The following ATP9B variants were observed in gnomAD, a reference collection of about 807,000 sequenced individuals.
The protein encoded by ATP9B is probable phospholipid-transporting ATPase IIB.
In ATP9B, 110 loss-of-function variants were observed where a neutral mutation model predicts 146.1. The ratio of observed to expected loss-of-function variants is 0.75; its 90% CI spans 0.65 to 0.88. The LOEUF (loss-of-function observed/expected upper bound fraction) is 0.88, where lower values mean the gene tolerates loss of function less well. Ranked by LOEUF, ATP9B falls within the 40% of genes least tolerant of loss-of-function variation. ATP9B has a pLI of 0.00. For missense variants in ATP9B, 1,499 were observed against 1,496.4 expected, an observed-to-expected ratio of 1.00 and a Z score of -0.03; for synonymous variants, 604 against 569.7, an observed-to-expected ratio of 1.06 and a Z score of -0.86.
intron 13 of ATP9B, among the ~76,000 whole-genome samples, chr18:79,282,809 A>G (rs1044638891): frequency 4.6e-5 from 7 of 152,178 alleles, no homozygotes; most frequent in Non-Finnish European, 2.9e-5. Flanking sequence ...GGGCTTTGGA[A>G]TCAAATCTGG....
chr18:79,270,081 C>A (rs1447537573), intron 12 of ATP9B, among the ~76,000 whole-genome samples: 1 of 152,214 alleles, frequency 6.6e-6, no homozygotes, highest in African/African-American at 2.4e-5. Context: ...CTTGTCTTTG[C>A]CATTCCTTTC....
chr18:79,356,391 C>A (rs552739328), intron 25 of ATP9B, among the ~76,000 whole-genome samples: 2 of 152,330 alleles, frequency 1.3e-5, no homozygotes, highest in African/African-American at 4.8e-5. Flanking sequence ...ACTCGGCACT[C>A]CTGTCCAAAA....
chr18:79,229,770 T>TA lies in ATP9B; in HGVS notation c.1107+15738dup, dbSNP rs1441719556. Among the ~76,000 whole-genome samples, 4 of 152,350 alleles carry TA rather than the reference T, an allele frequency of 2.6e-5. No individual in the cohort carries two copies. In the East Asian group the frequency reaches 5.8e-4, roughly 22 times the overall value. On this transcript the variant is annotated intron_variant, in intron 11 of 29. Transcript: ENST00000426216. ...CATTCTTAAACCTTAGCTTTCTGGA[T>TA]AAAAAATCATAACAATTTTAAAGAT... is the stretch of plus-strand genomic sequence containing the variant.
chr18:79,191,268 T>G (rs1261924888), intron 8 of ATP9B, among the ~76,000 whole-genome samples: 1 of 152,200 alleles, frequency 6.6e-6, no homozygotes, highest in Non-Finnish European at 1.5e-5. Flanking sequence ...ATTTTTTTTA[T>G]TTTTGGTTTT....
chr18:79,282,806 G>A (rs958270541), intron 13 of ATP9B, among the ~76,000 whole-genome samples: 13 of 152,070 alleles, frequency 8.5e-5, no homozygotes, highest in Non-Finnish European at 1.5e-4. Flanking sequence ...AAAGGGCTTT[G>A]GAATCAAATC....
At chr18:79,208,825 A>G (rs187250661) in intron 10 of ATP9B, among the ~76,000 whole-genome samples, 2 of 152,196 alleles carry the variant, frequency 1.3e-5, no homozygotes, top group African/African-American at 2.4e-5. Context: ...TTTTCCATGA[A>G]GAGACTTCAG....
chr18:79,194,401 A>G (rs1475274717), intron 9 of ATP9B: 1 of 152,214 alleles, frequency 6.6e-6, no homozygotes, highest in Non-Finnish European at 1.5e-5. Flanking sequence ...AATGTTCGCT[A>G]GACAATGTGT....
At chr18:79,288,536 A>T (rs971238122) in intron 13 of ATP9B, among the ~76,000 whole-genome samples, 2 of 151,956 alleles carry the variant, frequency 1.3e-5, no homozygotes, top group East Asian at 3.9e-4. Context: ...TTTCCTGAAT[A>T]CAGCACACTG....
At chr18:79,360,455 G>A (rs1052471770) in intron 26 of ATP9B, 4 of 150,652 alleles carry the variant, frequency 2.7e-5, no homozygotes, top group African/African-American at 4.8e-5. Flanking sequence ...TTCTTACCTA[G>A]CTAACCACAA....
At chr18:79,081,483 C>G (rs2073254396) in intron 1 of ATP9B, among the ~76,000 whole-genome samples, 1 of 151,368 alleles carries the variant, frequency 6.6e-6, no homozygotes, top group African/African-American at 2.4e-5. Flanking sequence ...TTTATTGTGT[C>G]TATTTGATTC....
chr18:79,208,537 C>T (rs1033127700), intron 10 of ATP9B, among the ~76,000 whole-genome samples: 1 of 152,098 alleles, frequency 6.6e-6, no homozygotes, highest in Admixed American at 6.5e-5. Context: ...AACTATACAA[C>T]GAACTCCAGG....
chr18:79,270,069 C>T (rs755978467), intron 12 of ATP9B, among the ~76,000 whole-genome samples: 9 of 151,952 alleles, frequency 5.9e-5, no homozygotes, highest in African/African-American at 1.2e-4. Flanking sequence ...GGGGACTTGC[C>T]GCTTGTCTTT....
At chr18:79,143,750 C>G in intron 5 of ATP9B, 52 bp from the exon 6 acceptor site, 3 of 1,150,998 alleles carry the variant, frequency 2.6e-6, no homozygotes, top group Non-Finnish European at 2.5e-6. Flanking sequence ...GAAAGTTGAA[C>G]TTGGGTGTGC....
At chr18:79,211,984 T>C (rs554919631) in intron 10 of ATP9B, among the ~76,000 whole-genome samples, 4 of 152,376 alleles carry the variant, frequency 2.6e-5, no homozygotes, top group Admixed American at 6.5e-5. Flanking sequence ...TGTTATCTTA[T>C]ACGACACAAA....
At chr18:79,265,575 T>G (rs1319986064) in intron 12 of ATP9B, among the ~76,000 whole-genome samples, 1 of 152,230 alleles carries the variant, frequency 6.6e-6, no homozygotes, top group East Asian at 1.9e-4. Flanking sequence ...AAGTCCCGTT[T>G]AGGTGCTGGA....
intron 9 of ATP9B, among the ~76,000 whole-genome samples, chr18:79,194,939 G>C (rs1397468242): frequency 6.6e-6 from 1 of 152,184 alleles, no homozygotes; most frequent in African/African-American, 2.4e-5. Context: ...TTGGGACATT[G>C]AAGGGACTTG....
chr18:79,189,863 T>G (rs929846764), intron 8 of ATP9B, among the ~76,000 whole-genome samples: 1 of 152,230 alleles, frequency 6.6e-6, no homozygotes, highest in Admixed American at 6.5e-5. Flanking sequence ...TTCTTATTGG[T>G]CCCGTGGTAT....
rs879301819 is a variant in ATP9B at position 79,245,625 on chromosome 18, G to GC, written c.1108-7756_1108-7755insC. On this transcript the variant is annotated intron_variant, in intron 11 of 29. Coordinates refer to ENST00000426216, the MANE Select transcript of ATP9B (RefSeq NM_198531.5). ...TGCGGAGGGTACCACCCTACTGACTGGGGAGGGTACCGCCCTACTGACTGA... is the reference window on the plus strand; with the variant it reads ...TGCGGAGGGTACCACCCTACTGACTGCGGGAGGGTACCGCCCTACTGACTGA... 3.4e-3 allele frequency among the ~76,000 whole-genome samples: 238 copies of GC among 70,332 alleles called. 1 individual carries two copies. Among genetic ancestry groups the GC allele is most frequent in the Non-Finnish European group, 7.0e-3 (188 of 26,774 alleles). The allele number at this position is 70,332 out of a possible 152,430, so 46.1% of individuals were successfully genotyped here.
rs983392916 is a variant in ATP9B at position 79,199,626 on chromosome 18, G to C, written c.954+6363G>C. Among the ~76,000 whole-genome samples, 4 of 152,040 alleles carry C rather than the reference G, an allele frequency of 2.6e-5. No homozygotes were observed. The East Asian group carries it at 7.7e-4, about 29-fold the overall frequency. On this transcript the variant is annotated intron_variant, in intron 9 of 29. Transcript: ENST00000426216. ...AAAAATACAAAAATTAGCTGGGCGT[G>C]GTGGCACATGCCTGTAGTCCCAGCT...
Sources: allele counts gnomAD v4.1 joint callset (sites outside exome capture counted in the v4.1 genomes callset), GRCh38; gene constraint gnomAD v4.1.1; transcripts MANE v1.5; gene names NCBI Gene and HGNC (gene_info 2026-07-23, HGNC 2026-07-21).